The following MICU1 variants were observed in gnomAD, a reference collection of about 807,000 sequenced individuals.
MICU1 encodes the protein mitochondrial calcium uptake 1.
In MICU1, 45 loss-of-function variants were observed where a neutral mutation model predicts 56.8. The ratio of observed to expected loss-of-function variants is 0.79; its 90% CI spans 0.62 to 1.02. The LOEUF is 1.02. Ranked by LOEUF, MICU1 falls within the 50% of genes least tolerant of loss-of-function variation. The pLI is 0.00. For synonymous variants in MICU1, 186 were observed against 195.1 expected (o/e 0.95, Z 0.39); for missense variants, 504 against 587.1 (o/e 0.86, Z 1.46).
chr10:72,625,349 T>C (rs927416634), intron 1 of MICU1, among the ~76,000 whole-genome samples: 9 of 152,212 alleles, frequency 5.9e-5, no homozygotes, highest in Non-Finnish European at 2.9e-5. Context: ...AGAAGGCAAC[T>C]TGAAGAACAG....
chr10:72,557,745 TATAC>T (rs1840193014), intron 3 of MICU1, among the ~76,000 whole-genome samples: 1 of 152,180 alleles, frequency 6.6e-6, no homozygotes, highest in Non-Finnish European at 1.5e-5. Context: ...CAAATATATA[TATAC>T]ATACATATAT....
intron 4 of MICU1, among the ~76,000 whole-genome samples, chr10:72,534,025 G>A (rs1436506293): frequency 6.6e-6 from 1 of 152,008 alleles, no homozygotes; most frequent in Non-Finnish European, 1.5e-5. Context: ...GTAAAAATGT[G>A]CAAACCTATT....
chr10:72,475,244 A>T lies in MICU1; in HGVS notation c.789T>A (p.Arg263=). ...ACTTGAGGGTGTTGCCAGTAGTTGG[A>T]CGATCTCTGTGGCGCATACCCATAC... ...QTSMGMRHRD[R]PTTGNTLKSG... Residue 263 remains arginine (R), a synonymous_variant, in exon 8 of 12, where the codon CGT becomes CGA. Coordinates refer to ENST00000361114, the MANE Select transcript of MICU1 (RefSeq NM_001195518.2). 3 of 1,610,166 alleles carry T rather than the reference A, an allele frequency of 1.9e-6. No individual in the cohort carries two copies. In the South Asian group the frequency reaches 3.3e-5, roughly 18 times the overall value.
At chr10:72,426,647 T>A (rs1864357235) in intron 8 of MICU1, among the ~76,000 whole-genome samples, 2 of 149,366 alleles carry the variant, frequency 1.3e-5, no homozygotes, top group African/African-American at 4.9e-5. Context: ...TCTGCCCACC[T>A]CAGGCCTCCC....
chr10:72,463,795 A>G (rs1426818160), intron 8 of MICU1, among the ~76,000 whole-genome samples: 7 of 152,228 alleles, frequency 4.6e-5, no homozygotes. Context: ...AAGGTACAGC[A>G]ATGTCTTAGA....
intron 1 of MICU1, among the ~76,000 whole-genome samples, chr10:72,604,109 A>G (rs565076524): frequency 6.6e-6 from 1 of 152,274 alleles, no homozygotes; most frequent in African/African-American, 2.4e-5. Context: ...CTCTTCCTAT[A>G]TACATAAAAA....
At chr10:72,516,990 A>G (rs1867667580) in intron 5 of MICU1, among the ~76,000 whole-genome samples, 1 of 152,220 alleles carries the variant, frequency 6.6e-6, no homozygotes, top group African/African-American at 2.4e-5. Flanking sequence ...TTAAGAATTC[A>G]TAAGTGAATT....
At chr10:72,615,853 G>A (rs575699853) in intron 1 of MICU1, among the ~76,000 whole-genome samples, 25 of 152,102 alleles carry the variant, frequency 1.6e-4, no homozygotes, top group Non-Finnish European at 2.5e-4. Flanking sequence ...AGCCGGGCGT[G>A]CGGCATGCAC....
chr10:72,551,152 G>A (rs1181655394), intron 4 of MICU1, 27 bp downstream of exon 4: 1 of 1,577,506 alleles, frequency 6.3e-7, no homozygotes, highest in East Asian at 2.3e-5. Context: ...AAATATCACA[G>A]TCTTATATTT....
At chr10:72,595,986 T>C (rs7917967) in intron 1 of MICU1, among the ~76,000 whole-genome samples, 2,640 of 124,590 alleles carry the variant, frequency 0.021, 50 homozygotes, top group African/African-American at 0.07. Flanking sequence ...AATTTTTTTC[T>C]TTTTTTTTTT....
At chr10:72,614,065 A>G (rs1040702922) in intron 1 of MICU1, among the ~76,000 whole-genome samples, 1 of 152,116 alleles carries the variant, frequency 6.6e-6, no homozygotes, top group Non-Finnish European at 1.5e-5. Context: ...AATTGCTTGA[A>G]CCAGGAGGCA....
At chr10:72,609,774 G>A (rs1383760347) in intron 1 of MICU1, among the ~76,000 whole-genome samples, 5 of 149,108 alleles carry the variant, frequency 3.4e-5, no homozygotes, top group Admixed American at 2.7e-4. Flanking sequence ...GGTGGCTCAC[G>A]TCTGTAATTC....
intron 11 of MICU1, among the ~76,000 whole-genome samples, chr10:72,371,998 G>A (rs959275695): frequency 2.6e-5 from 4 of 151,620 alleles, no homozygotes; most frequent in Admixed American, 2.0e-4. Context: ...GGGAGTTGCA[G>A]TGAGCCAACA....
At chr10:72,521,439 T>G (rs956953019) in intron 5 of MICU1, among the ~76,000 whole-genome samples, 8 of 152,100 alleles carry the variant, frequency 5.3e-5, no homozygotes, top group African/African-American at 1.9e-4. Context: ...GTATATGAAT[T>G]GGAAGTGGCT....
chr10:72,591,671 T>C (rs576584325), intron 1 of MICU1, among the ~76,000 whole-genome samples: 2 of 152,214 alleles, frequency 1.3e-5, no homozygotes, highest in African/African-American at 4.8e-5. Context: ...CATGATTAAA[T>C]CACCCCAAAT....
At chr10:72,618,218 G>T (rs930048194) in intron 1 of MICU1, among the ~76,000 whole-genome samples, 3 of 151,776 alleles carry the variant, frequency 2.0e-5, no homozygotes, top group Admixed American at 6.6e-5. Context: ...CATGGCAGAG[G>T]CAGGTTTCTC....
At chr10:72,399,312 C>T (rs1158579923) in intron 10 of MICU1, among the ~76,000 whole-genome samples, 35 of 150,400 alleles carry the variant, frequency 2.3e-4, no homozygotes, top group African/African-American at 8.6e-4. Context: ...GGGCCTGTTG[C>T]AGGGTCGGGG....
intron 11 of MICU1, among the ~76,000 whole-genome samples, chr10:72,371,220 C>A (rs1862322990): frequency 6.7e-6 from 1 of 148,818 alleles, no homozygotes; most frequent in Admixed American, 6.7e-5. Context: ...CTCGTCTCTA[C>A]TAAAAATACA....
intron 5 of MICU1, among the ~76,000 whole-genome samples, chr10:72,526,442 C>G (rs1048888356): frequency 1.6e-4 from 24 of 152,080 alleles, no homozygotes; most frequent in Admixed American, 1.4e-3. Flanking sequence ...ATTACAGGCG[C>G]CTGCCACCAA....
Sources: allele counts gnomAD v4.1 joint callset (sites outside exome capture counted in the v4.1 genomes callset), GRCh38; gene constraint gnomAD v4.1.1; transcripts MANE v1.5; gene names NCBI Gene and HGNC (gene_info 2026-07-23, HGNC 2026-07-21).